Variants in ASB14 observed in about 807,000 individuals in gnomAD.
ASB14 encodes the protein ankyrin repeat and SOCS box protein 14.
In ASB14, 63 loss-of-function variants were observed where a neutral mutation model predicts 55.6. The ratio of observed to expected loss-of-function variants is 1.13; its 90% CI spans 0.92 to 1.40. The LOEUF is 1.40. Ranked by LOEUF, ASB14 falls within the 40% of genes most tolerant of loss-of-function variation. The probability of loss-of-function intolerance (pLI) is 0.00; values close to 1 mark genes in which losing one functional copy is unlikely to be tolerated. For missense variants in ASB14, 724 were observed against 710.4 expected (o/e 1.02, Z -0.22); for synonymous variants, 256 against 259.9 (o/e 0.98, Z 0.15).
chr3:57,289,359 T>G (rs1463675095), intron 2 of ASB14, among the ~76,000 whole-genome samples: 1 of 152,174 alleles, frequency 6.6e-6, no homozygotes, highest in Non-Finnish European at 1.5e-5. Context: ...CCTGTTAGCT[T>G]CTTTAGGGCA....
Position 57,280,436 on chromosome 3 carries a change from G to C in ASB14, c.753C>G (p.Ser251=). ...CTCCACTTGCGGCTTCAAGTAAGAT[G>C]GAAGAAGAATCAGAGGCCTGACCAT... is the stretch of plus-strand genomic sequence containing the variant. The part of the protein sequence containing the change: ...NAHGQASDSS[S]ILLEAASGGN... The change falls in exon 7 of 11, where the codon TCC becomes TCG. Residue 251 remains serine, a synonymous_variant. Transcript: ENST00000487349. The C allele has an allele frequency of 6.4e-7, 1 of 1,551,376 alleles. No homozygotes were observed. Among genetic ancestry groups the C allele is most frequent in the Non-Finnish European group, 8.7e-7 (1 of 1,146,732 alleles).
In ASB14 at chr3:57,276,286, A is replaced by AT. The variant is rs143870533; in HGVS notation, c.*22+241dup. 1.7e-4 allele frequency among the ~76,000 whole-genome samples: 25 copies of AT among 149,954 alleles called. No individual in the cohort carries two copies. In the East Asian group the frequency reaches 4.3e-3, roughly 26 times the overall value. The stretch of plus-strand genomic sequence containing the variant: ...GCTATGTTCAAAGCTACTTTAAAAA[A>AT]TTTTTTTTTTCTTTTAGAGATGGGG... On this transcript the variant is annotated intron_variant, in intron 10 of 10. Coordinates refer to ENST00000487349, the MANE Select transcript of ASB14 (RefSeq NM_001142733.3).
intron 10 of ASB14, among the ~76,000 whole-genome samples, chr3:57,274,944 A>G (rs1402051071): frequency 6.6e-6 from 1 of 152,176 alleles, no homozygotes; most frequent in Non-Finnish European, 1.5e-5. Context: ...TGAGGGTTCT[A>G]TTTCAATTAA....
rs557179362 is a variant in ASB14, at chr3:57,285,959, C to T, written c.469+1942G>A. 7.9e-5 allele frequency among the ~76,000 whole-genome samples: 12 copies of T among 152,262 alleles called. No homozygotes were observed. The South Asian group carries it at 2.1e-3, about 26-fold the overall frequency. ...TCCGATGTTGGTAGAACATTTGCTCCGTTAGCTTCCTAACAGTAGGGAACA... is the reference window on the plus strand; with the variant it reads ...TCCGATGTTGGTAGAACATTTGCTCTGTTAGCTTCCTAACAGTAGGGAACA... On this transcript the variant is annotated intron_variant, in intron 5 of 10. Transcript: ENST00000487349.
At chr3:57,279,031 T>A in intron 7 of ASB14, 111 bp from the exon 8 acceptor site, 1 of 1,044,384 alleles carries the variant, frequency 9.6e-7, no homozygotes, top group Non-Finnish European at 1.4e-6. Flanking sequence ...AGGGGGCATT[T>A]AGAACCCACA....
intron 6 of ASB14, 139 bp downstream of exon 6, chr3:57,283,055 C>T: frequency 6.4e-6 from 8 of 1,244,404 alleles, no homozygotes; most frequent in Non-Finnish European, 8.8e-6. Flanking sequence ...TCAGTAATCA[C>T]TATTAACCCA....
intron 10 of ASB14, among the ~76,000 whole-genome samples, chr3:57,275,592 C>T (rs1201298341): frequency 6.6e-6 from 1 of 152,190 alleles, no homozygotes; most frequent in Non-Finnish European, 1.5e-5. Flanking sequence ...AGTCATCCCT[C>T]TGTCCAGTGT....
intron 5 of ASB14, among the ~76,000 whole-genome samples, chr3:57,287,000 GA>G (rs2061085806): frequency 6.6e-6 from 1 of 152,044 alleles, no homozygotes; most frequent in African/African-American, 2.4e-5. Flanking sequence ...TAATTTTCAA[GA>G]ATATTTTGTT....
At chr3:57,279,655 G>A (rs2061022623) in intron 7 of ASB14, among the ~76,000 whole-genome samples, 1 of 151,130 alleles carries the variant, frequency 6.6e-6, no homozygotes, top group Non-Finnish European at 1.5e-5. Flanking sequence ...CCGAGATCAT[G>A]CCACTGCACT....
At position 57,276,670 on chromosome 3, in the gene ASB14, C is replaced by A. The variant is rs745897762; in HGVS notation, c.1644G>T (p.Arg548=). ...CRLKIRKCMG[R]LHLRCPVFMS... Reference sequence around the variant, plus strand: ...TGAAGACAGGGCAGCGCAAATGTAACCGTCCCATGCATTTCCGGATCTTTA... The same window carrying A: ...TGAAGACAGGGCAGCGCAAATGTAAACGTCCCATGCATTTCCGGATCTTTA... The change falls in exon 10 of 11, where the codon CGG becomes CGT. Residue 548 remains arginine, a synonymous_variant. Transcript: ENST00000487349. The A allele has an allele frequency of 6.2e-7, 1 of 1,613,986 alleles. No homozygotes were observed. The highest frequency in any genetic ancestry group is 8.5e-7 in the Non-Finnish European group (1 of 1,179,940).
intron 6 of ASB14, 103 bp downstream of exon 6, chr3:57,283,091 G>A (rs1391884664): frequency 7.2e-7 from 1 of 1,390,986 alleles, no homozygotes; most frequent in Non-Finnish European, 9.7e-7. Flanking sequence ...ATTTATATTA[G>A]GCTTAAATGT....
intron 6 of ASB14, among the ~76,000 whole-genome samples, chr3:57,282,196 A>G (rs745884498): frequency 1.3e-5 from 2 of 152,282 alleles, no homozygotes; most frequent in Middle Eastern, 6.8e-3. Context: ...CCTCCCCTAT[A>G]TGACAGGAAA....
At chr3:57,269,870 C>A (rs997223807) in intron 10 of ASB14, 7 of 643,796 alleles carry the variant, frequency 1.1e-5, no homozygotes, top group Non-Finnish European at 1.8e-5. Context: ...GATCTTTTTT[C>A]CCCCTTAAAC....
rs2107631567 is a variant in ASB14, at chr3:57,290,901, CA to C, written c.122+1010del. ...TTTTAAAAACTAATCCTAAATTGAA[CA>C]CAAAAGTATAGGAATAGTGTGTGGC... On this transcript the variant is annotated intron_variant, in intron 2 of 10. Coordinates refer to ENST00000487349, the MANE Select transcript of ASB14 (RefSeq NM_001142733.3). Among the ~76,000 whole-genome samples, 2 of 152,256 alleles carry C rather than the reference CA, an allele frequency of 1.3e-5. 1 individual carries two copies. The highest frequency in any genetic ancestry group is 3.9e-4 in the East Asian group (2 of 5,180).
At chr3:57,276,505 G>A in intron 10 of ASB14, 23 bp downstream of exon 10, 1 of 1,506,870 alleles carries the variant, frequency 6.6e-7, no homozygotes, top group Non-Finnish European at 9.0e-7. Context: ...GAAATTTTAA[G>A]GAATACAGCT....
chr3:57,276,261 G>A (rs1213533986), intron 10 of ASB14, among the ~76,000 whole-genome samples: 1 of 150,584 alleles, frequency 6.6e-6, no homozygotes, highest in East Asian at 1.9e-4. Context: ...ATGTTGAGAG[G>A]CTATGTTCAA....
In ASB14 at chr3:57,283,441, T is replaced by C; in HGVS notation, c.470-2A>G. On this transcript the variant is annotated splice_acceptor_variant, in intron 5 of 10. Coordinates refer to ENST00000487349, the MANE Select transcript of ASB14 (RefSeq NM_001142733.3). LOFTEE classifies it high-confidence loss of function. ...TGTCATAGCAGTCACGCAGCACAGC[T>C]GGGAAATGAGAAGTGTGGTGGGCAT... is the stretch of plus-strand genomic sequence containing the variant. 6.4e-7 allele frequency: 1 copy of C among 1,550,804 alleles called. No individual in the cohort carries two copies. Among genetic ancestry groups the C allele is most frequent in the Non-Finnish European group, 8.7e-7 (1 of 1,146,630 alleles).
intron 5 of ASB14, among the ~76,000 whole-genome samples, chr3:57,286,500 T>C (rs746372550): frequency 1.3e-5 from 2 of 152,238 alleles, no homozygotes; most frequent in Non-Finnish European, 2.9e-5. Context: ...GAAGAATACT[T>C]AGACCCCCAA....
Position 57,280,298 on chromosome 3 carries a change from TAACAG to T in ASB14, c.886_887+3del. Reference sequence around the variant, plus strand: ...TTATTTATAATAATGTAATTGAACTTAACAGTAAGTGGCCCCTGTCAGCTGCCACA... The same window carrying T: ...TTATTTATAATAATGTAATTGAACTTTAAGTGGCCCCTGTCAGCTGCCACA... On this transcript the variant is annotated splice_donor_variant and splice_donor_region_variant and coding_sequence_variant and intron_variant, in exon 7 of 11. Coordinates refer to ENST00000487349, the MANE Select transcript of ASB14 (RefSeq NM_001142733.3). LOFTEE classifies it high-confidence loss of function. The T allele has an allele frequency of 1.9e-6, 3 of 1,540,148 alleles. No individual in the cohort carries two copies. The highest frequency in any genetic ancestry group is 2.5e-5 in the East Asian group (1 of 40,772).
Sources: gnomAD v4.1 joint callset for allele counts (sites outside exome capture counted in the v4.1 genomes callset) on GRCh38, gnomAD v4.1.1 for gene constraint, MANE v1.5 for transcripts, NCBI Gene and HGNC (gene_info 2026-07-23, HGNC 2026-07-21) for gene names.